Variants in CRY1 observed in about 807,000 individuals in gnomAD.
CRY1 encodes the protein cryptochrome circadian regulator 1, also known as cryptochrome-1.
A neutral mutation model predicts 76.0 loss-of-function variants in CRY1; 45 were observed. The observed-to-expected ratio is 0.59, with a 90% CI of 0.47 to 0.76. The LOEUF (loss-of-function observed/expected upper bound fraction) is 0.76. CRY1 is among the 30% of genes least tolerant of loss of function. CRY1 has a pLI of 0.00. For missense variants in CRY1, 587 were observed against 716.4 expected (o/e 0.82, Z 2.06); for synonymous variants, 248 against 244.0 (o/e 1.02, Z -0.15).
chr12:107,037,832 C>A (rs1952753615), intron 1 of CRY1, among the ~76,000 whole-genome samples: 1 of 152,120 alleles, frequency 6.6e-6, no homozygotes, highest in African/African-American at 2.4e-5. Flanking sequence ...CCTCAGCCTC[C>A]CAAGTAGCTG....
At chr12:107,046,210 T>C (rs1428572496) in intron 1 of CRY1, among the ~76,000 whole-genome samples, 2 of 151,868 alleles carry the variant, frequency 1.3e-5, no homozygotes, top group Non-Finnish European at 2.9e-5. Context: ...CAAGAATCAC[T>C]TGAACCCAGG....
chr12:107,069,548 A>C (rs1953153021), intron 1 of CRY1, among the ~76,000 whole-genome samples: 1 of 122,548 alleles, frequency 8.2e-6, no homozygotes, highest in South Asian at 2.6e-4. Context: ...TATATATATA[A>C]AGTATATATA....
chr12:107,054,158 T>C (rs921413036), intron 1 of CRY1, among the ~76,000 whole-genome samples: 2 of 152,140 alleles, frequency 1.3e-5, no homozygotes, highest in African/African-American at 4.8e-5. Flanking sequence ...ATAATATATT[T>C]TGGTTTTTAA....
rs1476511628 is a variant in CRY1, at chr12:106,999,739, GA to G, written c.948del (p.Gln317ArgfsTer11). 1.2e-6 allele frequency: 2 copies of G among 1,614,088 alleles called. No homozygotes were observed. The highest frequency in any genetic ancestry group is 2.7e-5 in the African/African-American group (2 of 74,930). On this transcript the variant is annotated frameshift_variant, in exon 7 of 13. Coordinates refer to ENST00000008527, the MANE Select transcript of CRY1 (RefSeq NM_004075.5). LOFTEE classifies it high-confidence loss of function. The stretch of plus-strand genomic sequence containing the variant: ...TCAGGATTTTTATCCCAAGGAATCT[GA>G]ACACAGATAGGGTTTCCTTCCATTT... Reference protein sequence around the residue: ...FDKMEGNPICVQIPWDKNPEA... With the variant: ...FDKMEGNPICXQIPWDKNPEA...
chr12:107,015,336 T>C (rs1336233617), intron 2 of CRY1, among the ~76,000 whole-genome samples: 1 of 134,820 alleles, frequency 7.4e-6, no homozygotes. Context: ...TGGAAGTCCC[T>C]ATCTACTCTT....
chr12:107,085,373 T>C (rs1252092013), intron 1 of CRY1, among the ~76,000 whole-genome samples: 6 of 152,214 alleles, frequency 3.9e-5, no homozygotes, highest in Admixed American at 6.5e-5. Context: ...TGTATGTTTA[T>C]TGTGGCACTG....
At position 106,998,029 on chromosome 12, in the gene CRY1, A is replaced by G; in HGVS notation, c.1175T>C (p.Ile392Thr). 3 of 1,614,162 alleles carry G rather than the reference A, an allele frequency of 1.9e-6. No individual in the cohort carries two copies. The highest frequency in any genetic ancestry group is 2.5e-6 in the Non-Finnish European group (3 of 1,179,988). Reference protein sequence around the residue: ...EELLLDADWSINAGSWMWLSC... With the variant: ...EELLLDADWSTNAGSWMWLSC... ...CAGCCACATCCAACTTCCAGCATTT[A>G]TGCTCCAATCTGCATCAAGCAATAA... The change falls in exon 8 of 13, where the codon ATA becomes ACA. Residue 392 changes from isoleucine to threonine, a missense_variant. Transcript: ENST00000008527.
chr12:107,011,104 T>C (rs907818068), intron 2 of CRY1, among the ~76,000 whole-genome samples: 5 of 152,176 alleles, frequency 3.3e-5, no homozygotes, highest in Admixed American at 1.3e-4. Flanking sequence ...CCCAGCACTT[T>C]GGGAGGCCAA....
At chr12:107,000,156 T>C (rs2075531552) in intron 5 of CRY1, 74 bp from the exon 6 acceptor site, 1 of 1,454,408 alleles carries the variant, frequency 6.9e-7, no homozygotes. Flanking sequence ...AATGGAGATT[T>C]TTTTTTTTAA....
intron 1 of CRY1, among the ~76,000 whole-genome samples, chr12:107,045,478 C>T (rs987396328): frequency 1.3e-5 from 2 of 152,062 alleles, no homozygotes; most frequent in Non-Finnish European, 2.9e-5. Context: ...GCCAACGTGG[C>T]GAAACCCTGT....
chr12:107,019,204 T>C (rs1353226184), intron 2 of CRY1, among the ~76,000 whole-genome samples: 1 of 151,940 alleles, frequency 6.6e-6, no homozygotes, highest in Non-Finnish European at 1.5e-5. Flanking sequence ...TTTAATTGTA[T>C]ATCCTTTTAG....
At chr12:107,066,183 C>T (rs1022221548) in intron 1 of CRY1, among the ~76,000 whole-genome samples, 3 of 152,122 alleles carry the variant, frequency 2.0e-5, no homozygotes, top group Non-Finnish European at 4.4e-5. Flanking sequence ...AGATTATTGC[C>T]CATCCCCCAA....
intron 1 of CRY1, among the ~76,000 whole-genome samples, chr12:107,049,175 C>T (rs1483779707): frequency 6.6e-6 from 1 of 152,152 alleles, no homozygotes; most frequent in African/African-American, 2.4e-5. Context: ...TCCAGGGCTC[C>T]TCTTCCTTGT....
At chr12:107,088,510 G>A (rs1032404673) in intron 1 of CRY1, among the ~76,000 whole-genome samples, 1 of 152,118 alleles carries the variant, frequency 6.6e-6, no homozygotes, top group African/African-American at 2.4e-5. Flanking sequence ...TATAAAAAGG[G>A]CTGCAGGAAC....
At chr12:107,027,876 G>A (rs1166037720) in intron 1 of CRY1, among the ~76,000 whole-genome samples, 2 of 152,066 alleles carry the variant, frequency 1.3e-5, no homozygotes, top group Non-Finnish European at 2.9e-5. Context: ...AAAAGGCAAT[G>A]GTAAGATACA....
chr12:107,031,824 C>T (rs746744993), intron 1 of CRY1, among the ~76,000 whole-genome samples: 1 of 152,082 alleles, frequency 6.6e-6, no homozygotes, highest in Non-Finnish European at 1.5e-5. Flanking sequence ...ACAAAGGAGA[C>T]GTATGACTAG....
At position 107,092,794 on chromosome 12, in the gene CRY1, T is replaced by C. The variant is rs1252619539; in HGVS notation, c.158+10A>G. On this transcript the variant is annotated intron_variant, in intron 1 of 12. Transcript: ENST00000008527. ...CACCCAAATCCATTTCCCACGGGCT[T>C]GTGACTCACCGCCACCTGTTGATGC... 6.2e-7 allele frequency: 1 copy of C among 1,611,402 alleles called. No homozygotes were observed. Among genetic ancestry groups the C allele is most frequent in the Non-Finnish European group, 8.5e-7 (1 of 1,179,714 alleles).
chr12:107,067,142 T>C (rs1308815985), intron 1 of CRY1, among the ~76,000 whole-genome samples: 1 of 152,164 alleles, frequency 6.6e-6, no homozygotes, highest in African/African-American at 2.4e-5. Context: ...GGGACAAATC[T>C]GACCTGTGGC....
rs566271412 is a variant in CRY1 at position 107,012,007 on chromosome 12, T to C, written c.268-6759A>G. ...GAGTTCGAGACCAGTCTGGCCAACA[T>C]GGTGAAACCCTGTCTCTACTAAAAA... On this transcript the variant is annotated intron_variant, in intron 2 of 12. Transcript: ENST00000008527. Among the ~76,000 whole-genome samples, 317 of 152,110 alleles carry C rather than the reference T, an allele frequency of 2.1e-3. 2 individuals carry two copies. Among genetic ancestry groups the C allele is most frequent in the Admixed American group, 4.6e-3 (71 of 15,284 alleles).
Sources: allele counts gnomAD v4.1 joint callset (sites outside exome capture counted in the v4.1 genomes callset), GRCh38; gene constraint gnomAD v4.1.1; transcripts MANE v1.5; gene names NCBI Gene and HGNC (gene_info 2026-07-23, HGNC 2026-07-21).